The following COL3A1 variants were observed in gnomAD, a reference collection of about 807,000 sequenced individuals.
COL3A1 encodes collagen type III alpha 1 chain.
A neutral mutation model predicts 200.9 loss-of-function variants in COL3A1; 46 were observed. The ratio of observed to expected loss-of-function variants is 0.23; its 90% CI spans 0.18 to 0.29. The LOEUF (loss-of-function observed/expected upper bound fraction) is 0.29. Ranked by LOEUF, COL3A1 falls within the 10% of genes least tolerant of loss-of-function variation. COL3A1 has a pLI of 1.00. For synonymous variants in COL3A1, 650 were observed against 628.0 expected (o/e 1.03, Z -0.52); for missense variants, 1,367 against 1,917.6 (o/e 0.71, Z 5.36).
At chr2:188,974,674 C>T (rs772811148) in intron 1 of COL3A1, 106 bp downstream of exon 1, 5 of 858,102 alleles carry the variant, frequency 5.8e-6, no homozygotes, top group Non-Finnish European at 1.0e-5. Flanking sequence ...AAGATAATTT[C>T]CTCTATAAGC....
intron 15 of COL3A1, 101 bp from the exon 16 acceptor site, chr2:188,993,260 C>T: frequency 1.0e-6 from 1 of 997,494 alleles, no homozygotes; most frequent in Non-Finnish European, 1.6e-6. Flanking sequence ...AGTCCCACTA[C>T]TCCAACTTTT....
At chr2:188,987,558 C>T (rs1688089407) in intron 5 of COL3A1, among the ~76,000 whole-genome samples, 1 of 151,982 alleles carries the variant, frequency 6.6e-6, no homozygotes, top group Non-Finnish European at 1.5e-5. Context: ...ATCAATTGTC[C>T]TATGTATGAT....
At chr2:189,004,215 C>G in intron 39 of COL3A1, 42 bp from the exon 40 acceptor site, 1 of 1,603,936 alleles carries the variant, frequency 6.2e-7, no homozygotes, top group Non-Finnish European at 8.5e-7. Flanking sequence ...GAGAAAAACA[C>G]TGTCACATAA....
Position 188,999,490 on chromosome 2 carries a change from G to A in COL3A1, c.2142G>A (p.Gly714=), listed in dbSNP as rs768760267. The change falls in exon 31 of 51, where the codon GGG becomes GGA. Residue 714 remains glycine (G), a synonymous_variant. Transcript: ENST00000304636. The part of the protein sequence containing the change: ...EGGKGAAGPP[G]PPGAAGTPGL... Reference sequence around the variant, plus strand: ...TTCAGGGTGCTGCTGGTCCTCCTGGGCCACCTGGTGCTGCTGGTACTCCTG... The same window carrying A: ...TTCAGGGTGCTGCTGGTCCTCCTGGACCACCTGGTGCTGCTGGTACTCCTG... 2 of 1,614,004 alleles carry A rather than the reference G, an allele frequency of 1.2e-6. No homozygotes were observed. The highest frequency in any genetic ancestry group is 4.5e-5 in the East Asian group (2 of 44,870).
chr2:189,007,337 A>C (rs1438692543), intron 44 of COL3A1, among the ~76,000 whole-genome samples, 163 bp from the exon 45 acceptor site: 2 of 151,728 alleles, frequency 1.3e-5, no homozygotes, highest in Non-Finnish European at 2.9e-5. Flanking sequence ...CAAAATGAAA[A>C]CAACCACAGA....
chr2:188,975,573 A>G (rs1238613184), intron 1 of COL3A1, among the ~76,000 whole-genome samples: 1 of 152,216 alleles, frequency 6.6e-6, no homozygotes, highest in Non-Finnish European at 1.5e-5. Context: ...ATAACTAAAC[A>G]TGGTTACATT....
At position 188,995,695 on chromosome 2, in the gene COL3A1, C is replaced by T. The variant is rs776430998; in HGVS notation, c.1513C>T (p.Pro505Ser). 13 of 1,553,536 alleles carry T rather than the reference C, an allele frequency of 8.4e-6. No individual in the cohort carries two copies. The highest frequency in any genetic ancestry group is 1.7e-4 in the Middle Eastern group (1 of 5,848). The change falls in exon 22 of 51, where the codon CCT (proline) becomes TCT (serine). Residue 505 changes from proline (P) to serine (S), a missense_variant. Physicochemically the swap from Pro to Ser is moderately conservative, Grantham distance 74. This residue lies in a region of COL3A1 where 462 missense variants were observed against 681.4 expected (regional missense o/e 0.68). Coordinates refer to ENST00000304636, the MANE Select transcript of COL3A1 (RefSeq NM_000090.4). Reference sequence around the variant, plus strand: ...TAAAATTTCTTTCACTACTTAGGGTCCTGCTGGAGAGCGTGGTGCTCCAGG... The same window carrying T: ...TAAAATTTCTTTCACTACTTAGGGTTCTGCTGGAGAGCGTGGTGCTCCAGG... Reference protein sequence around the residue: ...GPNGIPGEKGPAGERGAPGPA... With the variant: ...GPNGIPGEKGSAGERGAPGPA...
rs1334767450 is a variant in COL3A1, at chr2:189,011,002, A to T, written c.4254+112A>T. On this transcript the variant is annotated intron_variant, in intron 50 of 50. Coordinates refer to ENST00000304636, the MANE Select transcript of COL3A1 (RefSeq NM_000090.4). ...ATTAATAGGATGAAATAAAGATAGC[A>T]TTTGGTATGAATTACATACATTGCA... 8 of 1,405,274 alleles carry T rather than the reference A, an allele frequency of 5.7e-6. No homozygotes were observed. In the East Asian group the frequency reaches 1.9e-4, roughly 34 times the overall value. The allele number at this position is 1,405,274 out of a possible 1,614,324, so 87.1% of individuals were successfully genotyped here. A position where few individuals can be genotyped will look rare whatever the true frequency, so the allele number is the denominator to read the frequency against.
At chr2:188,979,329 A>G (rs1687901008) in intron 1 of COL3A1, among the ~76,000 whole-genome samples, 1 of 151,930 alleles carries the variant, frequency 6.6e-6, no homozygotes, top group Admixed American at 6.6e-5. Context: ...TTCAGTGAAA[A>G]CTTCTGATGA....
chr2:189,003,211 A>T lies in COL3A1; in HGVS notation c.2553+149A>T, dbSNP rs572133353. On this transcript the variant is annotated intron_variant, in intron 36 of 50. Transcript: ENST00000304636. ...AACATGGAGGTTTATCAGTAATTTAATATTTTATACTGAGATAGCATGTCA... is the reference window on the plus strand; with the variant it reads ...AACATGGAGGTTTATCAGTAATTTATTATTTTATACTGAGATAGCATGTCA... 3.2e-5 allele frequency: 26 copies of T among 805,246 alleles called. No individual in the cohort carries two copies. In the African/African-American group the frequency reaches 4.1e-4, roughly 13 times the overall value. The allele number at this position is 805,246 out of a possible 1,614,324, so 49.9% of individuals were successfully genotyped here. A position where few individuals can be genotyped will look rare whatever the true frequency, so the allele number is the denominator to read the frequency against.
chr2:188,985,563 A>T, intron 3 of COL3A1, 102 bp from the exon 4 acceptor site: 1 of 763,530 alleles, frequency 1.3e-6, no homozygotes, highest in Admixed American at 2.6e-5. Flanking sequence ...TATATTACTT[A>T]TATTGTTTCC....
intron 26 of COL3A1, 21 bp downstream of exon 26, chr2:188,997,410 T>C (rs1391494527): frequency 1.2e-6 from 2 of 1,611,072 alleles, no homozygotes; most frequent in East Asian, 4.5e-5. Context: ...TCATATAAAA[T>C]TGGAGATGAA....
Position 188,994,545 on chromosome 2 carries a change from A to C in COL3A1, c.1298A>C (p.Glu433Ala). Reference protein sequence around the residue: ...GAPGLRGGAGEPGKNGAKGEP... With the variant: ...GAPGLRGGAGAPGKNGAKGEP... ...CAAGACTTTGTTATACTTTAGGGTG[A>C]GCCTGGTAAGAATGGTGCCAAAGGA... is the stretch of plus-strand genomic sequence containing the variant. Residue 433 changes from glutamate (E) to alanine (A), a missense_variant, in exon 19 of 51, where the codon GAG becomes GCG. Physicochemically the swap from Glu to Ala is moderately radical, Grantham distance 107. Coordinates refer to ENST00000304636, the MANE Select transcript of COL3A1 (RefSeq NM_000090.4). The surrounding 1 kb of genome is among the most constrained non-coding windows in gnomAD (Gnocchi z 4.5). 1 of 1,614,114 alleles carries C rather than the reference A, an allele frequency of 6.2e-7. No homozygotes were observed. Among genetic ancestry groups the C allele is most frequent in the South Asian group, 1.1e-5 (1 of 91,084 alleles).
chr2:189,003,754 T>C lies in COL3A1; in HGVS notation c.2628T>C (p.Gly876=), dbSNP rs1393008286. The change falls in exon 38 of 51, where the codon GGT becomes GGC. Residue 876 remains glycine (G), a synonymous_variant. Coordinates refer to ENST00000304636, the MANE Select transcript of COL3A1 (RefSeq NM_000090.4). ...CACAGGGTGCTGCTGGCTTCCCTGG[T>C]GCTCGTGGTCTTCCTGGTCCTCCTG... is the stretch of plus-strand genomic sequence containing the variant. The part of the protein sequence containing the change: ...PGGPGAAGFP[G]ARGLPGPPGS... The C allele has an allele frequency of 6.2e-7, 1 of 1,613,954 alleles. No individual in the cohort carries two copies. The highest frequency in any genetic ancestry group is 1.3e-5 in the African/African-American group (1 of 74,902).
intron 27 of COL3A1, 73 bp from the exon 28 acceptor site, chr2:188,998,193 T>C (rs2153502896): frequency 7.3e-7 from 1 of 1,362,802 alleles, no homozygotes; most frequent in Middle Eastern, 1.8e-4. Context: ...TGCAGAAACA[T>C]GTGTACATAT....
In COL3A1 at chr2:188,994,618, G is replaced by T; in HGVS notation, c.1347+24G>T. The stretch of plus-strand genomic sequence containing the variant: ...GCGTAAGTTTTACTGCAACAGATCT[G>T]GTTATTTCTTGAAAAAATGCAACAT... On this transcript the variant is annotated intron_variant, in intron 19 of 50. Transcript: ENST00000304636. This position sits in a 1 kb window ranked among gnomAD's most constrained non-coding sequence, Gnocchi z 4.5. 6.2e-7 allele frequency: 1 copy of T among 1,613,862 alleles called. No individual in the cohort carries two copies. Among genetic ancestry groups the T allele is most frequent in the Admixed American group, 1.7e-5 (1 of 59,996 alleles).
rs767889802 is a variant in COL3A1, at chr2:188,997,204, G to A, written c.1801G>A (p.Gly601Arg). 6.2e-6 allele frequency: 10 copies of A among 1,613,872 alleles called. No homozygotes were observed. The highest frequency in any genetic ancestry group is 5.0e-5 in the Admixed American group (3 of 59,976). ...GKNGERGGPGGPGPQGPPGKN... is the reference protein window; with the variant it reads ...GKNGERGGPGRPGPQGPPGKN... ...GAATGGAGAACGAGGTGGCCCTGGA[G>A]GACCTGGCCCTCAGGTACGTAGCTT... The change falls in exon 25 of 51, where the codon GGA becomes AGA. Residue 601 changes from glycine (G) to arginine (R), a missense_variant. Transcript: ENST00000304636.
intron 34 of COL3A1, 30 bp from the exon 35 acceptor site, chr2:189,002,268 T>G (rs368231442): frequency 1.3e-6 from 2 of 1,594,644 alleles, no homozygotes; most frequent in Non-Finnish European, 1.7e-6. Context: ...CACACTTCAC[T>G]GTGACTAAGG....
At position 188,994,003 on chromosome 2, in the gene COL3A1, A is replaced by G. The variant is rs760274116; in HGVS notation, c.1150-35A>G. 1 of 1,592,830 alleles carries G rather than the reference A, an allele frequency of 6.3e-7. No individual in the cohort carries two copies. Among genetic ancestry groups the G allele is most frequent in the Admixed American group, 1.7e-5 (1 of 59,874 alleles). ...CAAATATATACGAACTATTTGCATTACTATTAATACATTATCTGTTTTTTG... is the reference window on the plus strand; with the variant it reads ...CAAATATATACGAACTATTTGCATTGCTATTAATACATTATCTGTTTTTTG... On this transcript the variant is annotated intron_variant, in intron 16 of 50. Transcript: ENST00000304636. This position sits in a 1 kb window ranked among gnomAD's most constrained non-coding sequence, Gnocchi z 4.5.
Sources: gnomAD v4.1 joint callset for allele counts (sites outside exome capture counted in the v4.1 genomes callset) on GRCh38, gnomAD v4.1.1 for gene constraint, gnomAD v4.1.1 regional missense constraint, Gnocchi (gnomAD v3.1) non-coding constraint, MANE v1.5 for transcripts, NCBI Gene and HGNC (gene_info 2026-07-23, HGNC 2026-07-21) for gene names.